THSD7A: variants seen among roughly 807,000 people sequenced by gnomAD.
THSD7A encodes the protein thrombospondin type-1 domain-containing protein 7A.
In THSD7A, 96 loss-of-function variants were observed where a neutral mutation model predicts 231.3. The observed-to-expected ratio is 0.41, with a 90% CI of 0.35 to 0.49. The LOEUF (loss-of-function observed/expected upper bound fraction) is 0.49, where lower values mean the gene tolerates loss of function less well. THSD7A is among the 20% of genes least tolerant of loss of function. The pLI, the probability that THSD7A is intolerant of heterozygous loss-of-function variation, is 0.05. For missense variants in THSD7A, 2,290 were observed against 2,070.2 expected (o/e 1.11, Z -2.06); for synonymous variants, 940 against 743.3 (o/e 1.26, Z -4.30).
chr7:11,484,922 A>G (rs1346872540), intron 6 of THSD7A, among the ~76,000 whole-genome samples: 1 of 102,280 alleles, frequency 9.8e-6, no homozygotes, highest in Non-Finnish European at 1.8e-5. Flanking sequence ...ACGGAGTCTC[A>G]CTCTGTTGCC....
intron 11 of THSD7A, among the ~76,000 whole-genome samples, chr7:11,456,751 T>A (rs965010010): frequency 2.6e-5 from 4 of 151,982 alleles, no homozygotes; most frequent in Admixed American, 2.0e-4. Flanking sequence ...TGTAAAAAAA[T>A]GGCTGTGGCT....
chr7:11,468,967 T>C (rs1273661756), intron 9 of THSD7A, among the ~76,000 whole-genome samples: 3 of 152,098 alleles, frequency 2.0e-5, no homozygotes, highest in Admixed American at 6.6e-5. Flanking sequence ...TATATAAAAA[T>C]ATAGTAACAC....
intron 1 of THSD7A, among the ~76,000 whole-genome samples, chr7:11,759,636 G>A (rs1297360429): frequency 2.0e-5 from 3 of 151,912 alleles, no homozygotes; most frequent in Admixed American, 1.3e-4. Context: ...CTAGAGAGGT[G>A]TATACACATA....
At chr7:11,728,726 T>TTTTCTC (rs1781627073) in intron 1 of THSD7A, among the ~76,000 whole-genome samples, 2 of 151,898 alleles carry the variant, frequency 1.3e-5, no homozygotes, top group African/African-American at 2.4e-5. Flanking sequence ...ATATTATATA[T>TTTTCTC]ACCAAGTAGA....
chr7:11,476,134 C>A (rs143629199), intron 7 of THSD7A, among the ~76,000 whole-genome samples: 101 of 151,974 alleles, frequency 6.6e-4, no homozygotes, highest in African/African-American at 2.2e-3. Flanking sequence ...TCAAATTCAA[C>A]TATTTATATT....
At chr7:11,603,454 G>C (rs933656196) in intron 2 of THSD7A, among the ~76,000 whole-genome samples, 1 of 152,070 alleles carries the variant, frequency 6.6e-6, no homozygotes, top group African/African-American at 2.4e-5. Context: ...TTCAACCATT[G>C]TGGAAGTCAG....
intron 1 of THSD7A, among the ~76,000 whole-genome samples, chr7:11,769,501 A>G (rs1469336870): frequency 6.6e-6 from 1 of 151,974 alleles, no homozygotes; most frequent in African/African-American, 2.4e-5. Context: ...GTTTAACTAG[A>G]TATTTATCTT....
rs553956189 is a variant in THSD7A at position 11,769,205 on chromosome 7, C to T, written c.190+62552G>A. 6.0e-5 allele frequency among the ~76,000 whole-genome samples: 8 copies of T among 134,192 alleles called. No homozygotes were observed. The South Asian group carries it at 1.2e-3, about 20-fold the overall frequency. The allele number at this position is 134,192 out of a possible 152,430, so 88.0% of individuals were successfully genotyped here. ...AGAGATGGGGTTTCACTATGTTAGCCAGGCCGGTCTCAAACTCCTGACCTC... is the reference window on the plus strand; with the variant it reads ...AGAGATGGGGTTTCACTATGTTAGCTAGGCCGGTCTCAAACTCCTGACCTC... On this transcript the variant is annotated intron_variant, in intron 1 of 27. Transcript: ENST00000423059.
intron 22 of THSD7A, among the ~76,000 whole-genome samples, chr7:11,403,675 T>C (rs963766370): frequency 2.0e-5 from 3 of 152,256 alleles, no homozygotes; most frequent in Non-Finnish European, 2.9e-5. Context: ...TAGCATCATT[T>C]ATTTTGCAAC....
intron 1 of THSD7A, among the ~76,000 whole-genome samples, chr7:11,747,698 G>C (rs1363291102): frequency 6.6e-6 from 1 of 151,906 alleles, no homozygotes; most frequent in Admixed American, 6.6e-5. Flanking sequence ...CAGTGCATAT[G>C]TGCTGCTGTA....
chr7:11,723,890 G>A (rs1191670048), intron 1 of THSD7A, among the ~76,000 whole-genome samples: 1 of 151,896 alleles, frequency 6.6e-6, no homozygotes, highest in East Asian at 2.0e-4. Context: ...GACATTGGAA[G>A]GATGTTGGAT....
intron 4 of THSD7A, among the ~76,000 whole-genome samples, chr7:11,584,740 C>T (rs1280421568): frequency 1.3e-5 from 2 of 151,996 alleles, no homozygotes; most frequent in African/African-American, 4.8e-5. Flanking sequence ...AAAAACTGTT[C>T]CCTTAAATTA....
intron 1 of THSD7A, among the ~76,000 whole-genome samples, chr7:11,668,207 C>T (rs1227836254): frequency 6.6e-6 from 1 of 152,020 alleles, no homozygotes; most frequent in Non-Finnish European, 1.5e-5. Context: ...GGTGGATCAC[C>T]TGAGGCCGAG....
At chr7:11,800,075 A>G (rs905774912) in intron 1 of THSD7A, among the ~76,000 whole-genome samples, 15 of 152,182 alleles carry the variant, frequency 9.9e-5, no homozygotes, top group African/African-American at 3.6e-4. Context: ...GTGCACTGAG[A>G]TCACAGGAAG....
In THSD7A at chr7:11,660,387, A is replaced by T. The variant is rs115628647; in HGVS notation, c.191-23426T>A. ...ATAAATTAAATAAAAATGTTATAAA[A>T]CAATTCTGGAATATCTAAGATAAAC... On this transcript the variant is annotated intron_variant, in intron 1 of 27. Transcript: ENST00000423059. Among the ~76,000 whole-genome samples, 654 of 151,670 alleles carry T rather than the reference A, an allele frequency of 4.3e-3. 7 individuals are homozygous for T. The highest frequency in any genetic ancestry group is 0.015 in the African/African-American group (627 of 41,502).
chr7:11,631,367 G>T (rs1446307279), intron 2 of THSD7A, among the ~76,000 whole-genome samples: 1 of 152,090 alleles, frequency 6.6e-6, no homozygotes, highest in Admixed American at 6.5e-5. Context: ...GAGTAAAATT[G>T]CCTTTACTTC....
At chr7:11,565,614 G>A (rs1790276213) in intron 4 of THSD7A, among the ~76,000 whole-genome samples, 1 of 136,136 alleles carries the variant, frequency 7.3e-6, no homozygotes, top group African/African-American at 2.9e-5. Context: ...AAATGGTTGT[G>A]GGGGTTAGAG....
At chr7:11,768,897 A>G (rs1196076887) in intron 1 of THSD7A, among the ~76,000 whole-genome samples, 1 of 151,442 alleles carries the variant, frequency 6.6e-6, no homozygotes, top group African/African-American at 2.4e-5. Context: ...CCACTCCTTT[A>G]TGCTTTCAAA....
At chr7:11,376,099 A>T (rs1481105085) in intron 27 of THSD7A, among the ~76,000 whole-genome samples, 2 of 152,086 alleles carry the variant, frequency 1.3e-5, no homozygotes, top group Non-Finnish European at 2.9e-5. Flanking sequence ...TCACTACCCT[A>T]CAAAAGATAA....
Sources: allele counts gnomAD v4.1 joint callset (sites outside exome capture counted in the v4.1 genomes callset), GRCh38; gene constraint gnomAD v4.1.1; transcripts MANE v1.5; gene names NCBI Gene and HGNC (gene_info 2026-07-23, HGNC 2026-07-21).